Variants in ITPR1 observed in about 807,000 individuals in gnomAD.
ITPR1 encodes inositol 1,4,5-trisphosphate-gated calcium channel ITPR1.
Under a neutral mutation model 318.4 loss-of-function variants are expected in ITPR1, and 96 were observed. The ratio of observed to expected loss-of-function variants is 0.30; its 90% CI spans 0.26 to 0.36. The LOEUF is 0.36. Ranked by LOEUF, ITPR1 falls within the 10% of genes least tolerant of loss-of-function variation. The pLI is 1.00. For missense variants in ITPR1, 2,440 were observed against 3,460.2 expected, an observed-to-expected ratio of 0.71 and a Z score of 7.40; for synonymous variants, 1,312 against 1,289.9, an observed-to-expected ratio of 1.02 and a Z score of -0.37.
chr3:4,819,474 G>A (rs1453075600), intron 60 of ITPR1, among the ~76,000 whole-genome samples: 1 of 152,224 alleles, frequency 6.6e-6, no homozygotes, highest in African/African-American at 2.4e-5. Context: ...AGGAGATGCC[G>A]AAGCTGCTGG....
chr3:4,838,592 T>G (rs77603219), intron 61 of ITPR1, among the ~76,000 whole-genome samples: 2,930 of 152,360 alleles, frequency 0.019, 95 homozygotes, highest in African/African-American at 0.067. Context: ...AAAGGAACAC[T>G]TCAGTTCTCC....
At chr3:4,731,721 A>G (rs1360258814) in intron 42 of ITPR1, among the ~76,000 whole-genome samples, 2 of 151,828 alleles carry the variant, frequency 1.3e-5, no homozygotes, top group African/African-American at 2.4e-5. Context: ...TTTCCTGCCT[A>G]TCTCCTTTCC....
chr3:4,642,654 G>A (rs1314359851), intron 7 of ITPR1, among the ~76,000 whole-genome samples: 1 of 152,212 alleles, frequency 6.6e-6, no homozygotes, highest in Non-Finnish European at 1.5e-5. Context: ...AGTAAAGAAG[G>A]AGAGTAGAAT....
chr3:4,530,601 A>C (rs2083335526), intron 4 of ITPR1, among the ~76,000 whole-genome samples: 1 of 152,138 alleles, frequency 6.6e-6, no homozygotes, highest in African/African-American at 2.4e-5. Flanking sequence ...CTGGGCAACA[A>C]AGTGAGATCC....
chr3:4,734,913 ATCAT>A (rs2043168384), intron 43 of ITPR1, among the ~76,000 whole-genome samples: 1 of 152,208 alleles, frequency 6.6e-6, no homozygotes, highest in African/African-American at 2.4e-5. Context: ...CTGGAAATGT[ATCAT>A]TCTTTTTTCA....
intron 53 of ITPR1, 56 bp from the exon 54 acceptor site, chr3:4,800,369 C>T: frequency 1.3e-6 from 2 of 1,561,356 alleles, no homozygotes; most frequent in African/African-American, 1.4e-5. Context: ...TTAGGTCTGT[C>T]CCCTGTACTC....
In ITPR1 at chr3:4,658,658, A is replaced by G. The variant is rs546826619; in HGVS notation, c.1151+380A>G. 1.0e-3 allele frequency among the ~76,000 whole-genome samples: 156 copies of G among 152,026 alleles called. 1 individual carries two copies. Among genetic ancestry groups the G allele is most frequent in the Admixed American group, 3.9e-3 (60 of 15,290 alleles). On this transcript the variant is annotated intron_variant, in intron 13 of 61. Coordinates refer to ENST00000649015, the MANE Select transcript of ITPR1 (RefSeq NM_001378452.1). ...AAATAGAATAAACCATTGAAAAGAA[A>G]TTCTACAAGATAAAATACCTGAAGT...
chr3:4,659,325 G>T (rs952153297), intron 13 of ITPR1, among the ~76,000 whole-genome samples: 1 of 152,126 alleles, frequency 6.6e-6, no homozygotes, highest in Non-Finnish European at 1.5e-5. Flanking sequence ...ATTTTTAACT[G>T]AATAGTATGT....
chr3:4,585,845 G>A (rs1254353654), intron 4 of ITPR1, among the ~76,000 whole-genome samples: 4 of 151,792 alleles, frequency 2.6e-5, no homozygotes, highest in Non-Finnish European at 2.9e-5. Context: ...AGGTATTCAC[G>A]TGCCATGGTG....
chr3:4,676,232 C>T (rs1311797283), intron 23 of ITPR1, among the ~76,000 whole-genome samples: 1 of 151,512 alleles, frequency 6.6e-6, no homozygotes, highest in Admixed American at 6.6e-5. Flanking sequence ...ATAGTCCTAG[C>T]TACTTGAGAC....
intron 4 of ITPR1, among the ~76,000 whole-genome samples, chr3:4,622,644 A>G (rs1013171934): frequency 2.0e-5 from 3 of 151,956 alleles, no homozygotes; most frequent in African/African-American, 7.3e-5. Flanking sequence ...CCATCTCTTG[A>G]CCTCGTGATC....
intron 2 of ITPR1, among the ~76,000 whole-genome samples, chr3:4,503,040 G>A (rs1051276312): frequency 7.3e-5 from 11 of 151,534 alleles, no homozygotes; most frequent in East Asian, 5.8e-4. Flanking sequence ...AGCTGAGATC[G>A]CACCACTGCA....
At chr3:4,825,846 G>T (rs1449591293) in intron 60 of ITPR1, 2 of 455,792 alleles carry the variant, frequency 4.4e-6, no homozygotes, top group African/African-American at 2.0e-5. Flanking sequence ...TGCAGGGGCT[G>T]GTGGGAGGAG....
Position 4,670,899 on chromosome 3 carries a change from AG to A in ITPR1, c.2179del (p.Asp727ThrfsTer12), listed in dbSNP as rs760729944. 1 of 1,599,018 alleles carries A rather than the reference AG, an allele frequency of 6.3e-7. No individual in the cohort carries two copies. ...CAGGATGCTAAAGAAGGGCAGAAGG[AG>A]GACCGAGACGTTCTCAGCTACTACA... ...LAQDAKEGQK[E>X]DRDVLSYYRY... On this transcript the variant is annotated frameshift_variant, in exon 20 of 62. Transcript: ENST00000649015. LOFTEE classifies it high-confidence loss of function.
chr3:4,705,875 C>A (rs2094746304), intron 36 of ITPR1, among the ~76,000 whole-genome samples: 2 of 152,176 alleles, frequency 1.3e-5, no homozygotes, highest in African/African-American at 4.8e-5. Context: ...CCCTAAGAAG[C>A]CATTCATTGA....
chr3:4,565,756 TA>T (rs2087174872), intron 4 of ITPR1, among the ~76,000 whole-genome samples: 1 of 152,234 alleles, frequency 6.6e-6, no homozygotes, highest in African/African-American at 2.4e-5. Flanking sequence ...ATGTGATTGA[TA>T]TTGAAACAGA....
At chr3:4,708,602 T>A (rs1485259305) in intron 37 of ITPR1, among the ~76,000 whole-genome samples, 1 of 152,240 alleles carries the variant, frequency 6.6e-6, no homozygotes, top group Non-Finnish European at 1.5e-5. Context: ...TCTCGCCTGC[T>A]CAAATGAAAC....
intron 44 of ITPR1, 39 bp from the exon 45 acceptor site, chr3:4,766,490 TC>T: frequency 6.4e-7 from 1 of 1,573,996 alleles, no homozygotes; most frequent in Non-Finnish European, 8.7e-7. Context: ...CAGTTTCTGG[TC>T]AGTTACAGTG....
At chr3:4,574,614 C>T (rs759219455) in intron 4 of ITPR1, among the ~76,000 whole-genome samples, 2 of 152,212 alleles carry the variant, frequency 1.3e-5, no homozygotes, top group African/African-American at 2.4e-5. Context: ...TGTTTTCCCC[C>T]GGCTAGGTTT....
Sources: allele counts gnomAD v4.1 joint callset (sites outside exome capture counted in the v4.1 genomes callset), GRCh38; gene constraint gnomAD v4.1.1; transcripts MANE v1.5; gene names NCBI Gene and HGNC (gene_info 2026-07-23, HGNC 2026-07-21).